Variants in MORC1 observed in about 807,000 individuals in gnomAD.
MORC1 encodes MORC family CW-type zinc finger 1, also known as MORC family CW-type zinc finger protein 1.
Under a neutral mutation model 134.9 loss-of-function variants are expected in MORC1, and 59 were observed. That is an observed-to-expected ratio of 0.44 (90% CI 0.35 to 0.54). The LOEUF is 0.54. MORC1 is among the 20% of genes least tolerant of loss of function. The pLI is 0.00. For missense variants in MORC1, 947 were observed against 1,134.5 expected, an observed-to-expected ratio of 0.83 and a Z score of 2.37; for synonymous variants, 395 against 391.7, an observed-to-expected ratio of 1.01 and a Z score of -0.10.
At position 109,114,386 on chromosome 3, in the gene MORC1, T is replaced by C; in HGVS notation, c.117A>G (p.Ala39=). Residue 39 remains alanine, a splice_region_variant and synonymous_variant, in exon 2 of 28, where the codon GCA becomes GCG. Coordinates refer to ENST00000232603, the MANE Select transcript of MORC1 (RefSeq NM_014429.4). ...TGTTGTTTACAGATAAACCTTACCT[T>C]GCATTGTCCAGCAATTCAGCCAGTG... ...FGALAELLDN[A]RDAGAERLDV... 1 of 1,611,904 alleles carries C rather than the reference T, an allele frequency of 6.2e-7. No individual in the cohort carries two copies. The highest frequency in any genetic ancestry group is 8.5e-7 in the Non-Finnish European group (1 of 1,178,400).
rs115725092 is a variant in MORC1 at position 109,065,213 on chromosome 3, T to A, written c.816-1982A>T. Among the ~76,000 whole-genome samples, 779 of 152,230 alleles carry A rather than the reference T, an allele frequency of 5.1e-3. 17 individuals carry two copies. Among genetic ancestry groups the A allele is most frequent in the African/African-American group, 0.018 (747 of 41,540 alleles). ...TAGAATAATCTTTTAAAAACATAGGTCAAGTAATGCCACTCCTCTGCTCAA... is the reference window on the plus strand; with the variant it reads ...TAGAATAATCTTTTAAAAACATAGGACAAGTAATGCCACTCCTCTGCTCAA... On this transcript the variant is annotated intron_variant, in intron 9 of 27. Transcript: ENST00000232603.
At chr3:109,030,941 C>T (rs1049049415) in intron 16 of MORC1, among the ~76,000 whole-genome samples, 5 of 152,172 alleles carry the variant, frequency 3.3e-5, no homozygotes, top group African/African-American at 1.2e-4. Flanking sequence ...CAAAGTATCT[C>T]ATATACTCAC....
chr3:109,071,587 G>A (rs924020453), intron 8 of MORC1, among the ~76,000 whole-genome samples: 1 of 152,282 alleles, frequency 6.6e-6, no homozygotes, highest in East Asian at 1.9e-4. Context: ...AATAGGTGGA[G>A]TCTGGAGGAA....
At chr3:109,060,589 AT>A (rs1950057987) in intron 11 of MORC1, among the ~76,000 whole-genome samples, 1 of 152,036 alleles carries the variant, frequency 6.6e-6, no homozygotes, top group Admixed American at 6.6e-5. Flanking sequence ...AATGAACACT[AT>A]TTTCACTGAA....
chr3:109,069,001 CA>C (rs1454908496), intron 9 of MORC1, among the ~76,000 whole-genome samples: 2 of 151,932 alleles, frequency 1.3e-5, no homozygotes, highest in Admixed American at 1.3e-4. Context: ...GCTAAAAATA[CA>C]AAAATTGGCC....
intron 3 of MORC1, among the ~76,000 whole-genome samples, chr3:109,107,299 A>T (rs1414203968): frequency 6.6e-6 from 1 of 151,992 alleles, no homozygotes; most frequent in Non-Finnish European, 1.5e-5. Context: ...TCGTGTATCT[A>T]TTTGTCTTTT....
Position 109,118,126 on chromosome 3 carries a change from C to A in MORC1, c.-67G>T. The A allele has an allele frequency of 5.8e-6, 9 of 1,544,220 alleles. No homozygotes were observed. The highest frequency in any genetic ancestry group is 1.7e-4 in the Middle Eastern group (1 of 5,956). On this transcript the variant is annotated 5_prime_UTR_variant, in exon 1 of 28. Transcript: ENST00000232603. ...CCTGACCGGCAGCCGTTCGCCTGCG[C>A]CCGCGCCCACTCCCACGCCCACGCT...
intron 6 of MORC1, among the ~76,000 whole-genome samples, chr3:109,097,111 G>A (rs926819525): frequency 5.3e-5 from 8 of 152,016 alleles, no homozygotes; most frequent in South Asian, 4.2e-4. Context: ...AATAGACCAC[G>A]CAAAGGCAAA....
chr3:109,043,157 G>C (rs1949595502), intron 14 of MORC1, among the ~76,000 whole-genome samples: 1 of 116,220 alleles, frequency 8.6e-6, no homozygotes, highest in Non-Finnish European at 1.7e-5. Flanking sequence ...TCTATCCACA[G>C]ATGAATGGAT....
At chr3:109,091,478 T>TAAATAAATAAAA (rs1420819054) in intron 8 of MORC1, among the ~76,000 whole-genome samples, 1 of 148,184 alleles carries the variant, frequency 6.7e-6, no homozygotes, top group Non-Finnish European at 1.5e-5. Context: ...AATAAATAAA[T>TAAATAAATAAAA]AAAAAGTATG....
chr3:108,999,843 A>T (rs1025335930), intron 21 of MORC1, among the ~76,000 whole-genome samples: 3 of 152,012 alleles, frequency 2.0e-5, no homozygotes, highest in African/African-American at 7.2e-5. Flanking sequence ...TTTCCCTGAC[A>T]TTAAATTCTA....
At chr3:109,044,497 G>T (rs1227496289) in intron 14 of MORC1, among the ~76,000 whole-genome samples, 1 of 151,090 alleles carries the variant, frequency 6.6e-6, no homozygotes, top group Non-Finnish European at 1.5e-5. Flanking sequence ...GGCAGAGCTT[G>T]CAGTGAGCCG....
At chr3:108,989,063 A>G (rs1947976352) in intron 21 of MORC1, among the ~76,000 whole-genome samples, 1 of 152,092 alleles carries the variant, frequency 6.6e-6, no homozygotes, top group Non-Finnish European at 1.5e-5. Context: ...TTGAAATAAC[A>G]TTGTGTAAAT....
At chr3:109,014,313 T>C (rs554425219) in intron 17 of MORC1, among the ~76,000 whole-genome samples, 6 of 152,350 alleles carry the variant, frequency 3.9e-5, no homozygotes, top group South Asian at 2.1e-4. Context: ...TTTGTTTTTA[T>C]CTGTAGTACC....
At chr3:108,988,638 A>G (rs766904473) in intron 21 of MORC1, among the ~76,000 whole-genome samples, 3 of 152,174 alleles carry the variant, frequency 2.0e-5, no homozygotes, top group Admixed American at 1.3e-4. Flanking sequence ...TTATGAGAGG[A>G]ACTATTTAAT....
chr3:109,050,623 T>C (rs1949802018), intron 14 of MORC1, among the ~76,000 whole-genome samples: 1 of 152,184 alleles, frequency 6.6e-6, no homozygotes, highest in African/African-American at 2.4e-5. Flanking sequence ...AGACTGTAAG[T>C]TCTCAGAGAA....
chr3:109,096,061 G>A (rs1411893142), intron 6 of MORC1, among the ~76,000 whole-genome samples: 4 of 151,914 alleles, frequency 2.6e-5, no homozygotes, highest in Non-Finnish European at 5.9e-5. Flanking sequence ...ACTTCAACAA[G>A]GCAAAAATCA....
intron 20 of MORC1, among the ~76,000 whole-genome samples, chr3:109,002,575 T>C (rs954896590): frequency 1.4e-4 from 22 of 152,138 alleles, no homozygotes; most frequent in Non-Finnish European, 3.1e-4. Context: ...AAACCCAGCA[T>C]AGGCCATGTG....
At chr3:109,072,093 G>C (rs374911705) in intron 8 of MORC1, among the ~76,000 whole-genome samples, 1 of 152,136 alleles carries the variant, frequency 6.6e-6, no homozygotes. Flanking sequence ...AAGGCAAAGA[G>C]GGCTAAATAT....
Sources: allele counts gnomAD v4.1 joint callset (sites outside exome capture counted in the v4.1 genomes callset), GRCh38; gene constraint gnomAD v4.1.1; transcripts MANE v1.5; gene names NCBI Gene and HGNC (gene_info 2026-07-23, HGNC 2026-07-21).